The following SLC35F5 variants were observed in gnomAD, a reference collection of about 807,000 sequenced individuals.
SLC35F5 encodes HCV NS5A-transactivated protein 3.
In SLC35F5, 54 loss-of-function variants were observed where a neutral mutation model predicts 68.6. The observed-to-expected ratio is 0.79, with a 90% CI of 0.63 to 0.99. The LOEUF (loss-of-function observed/expected upper bound fraction) is 0.99, where lower values mean the gene tolerates loss of function less well. Ranked by LOEUF, SLC35F5 falls within the 50% of genes least tolerant of loss-of-function variation. SLC35F5 has a pLI of 0.00. For synonymous variants in SLC35F5, 211 were observed against 205.2 expected, an observed-to-expected ratio of 1.03 and a Z score of -0.24; for missense variants, 567 against 626.9, an observed-to-expected ratio of 0.90 and a Z score of 1.02.
intron 13 of SLC35F5, 33 bp downstream of exon 13, chr2:113,723,070 TA>T: frequency 1.4e-6 from 2 of 1,437,144 alleles, no homozygotes; most frequent in Non-Finnish European, 1.9e-6. Context: ...ATAACACACC[TA>T]AAATATCTAT....
chr2:113,746,356 A>G lies in SLC35F5; in HGVS notation c.418-17T>C, dbSNP rs751174853. 3 of 1,604,080 alleles carry G rather than the reference A, an allele frequency of 1.9e-6. No individual in the cohort carries two copies. On this transcript the variant is annotated splice_polypyrimidine_tract_variant and intron_variant, in intron 4 of 15. Transcript: ENST00000245680. ...ATCTGCAAACTAAATACAGATAACA[A>G]GATACAAAATTCAATGAAACTTACA...
rs550685493 is a variant in SLC35F5, at chr2:113,731,671, T to C, written c.921-23A>G. ...ATGCTATGAGAATAACAGTCATTAATGATGAGCTAAAGAATTCTGAAAAGC... is the reference window on the plus strand; with the variant it reads ...ATGCTATGAGAATAACAGTCATTAACGATGAGCTAAAGAATTCTGAAAAGC... On this transcript the variant is annotated intron_variant, in intron 9 of 15. Transcript: ENST00000245680. The C allele has an allele frequency of 2.3e-5, 36 of 1,585,380 alleles. No homozygotes were observed. The African/African-American group carries it at 4.6e-4, about 20-fold the overall frequency.
At position 113,746,328 on chromosome 2, in the gene SLC35F5, A is replaced by G; in HGVS notation, c.429T>C (p.Ala143=). Residue 143 remains alanine (A), a synonymous_variant, in exon 5 of 16, where the codon GCT becomes GCC. Coordinates refer to ENST00000245680, the MANE Select transcript of SLC35F5 (RefSeq NM_025181.5). ...RGKHAAFFAD[A]EGYFAACTTD... The stretch of plus-strand genomic sequence containing the variant: ...TTGTGCAAGCAGCAAAGTAACCTTC[A>G]GCATCTGCAAACTAAATACAGATAA... The G allele has an allele frequency of 1.2e-6, 2 of 1,612,570 alleles. No homozygotes were observed. Among genetic ancestry groups the G allele is most frequent in the South Asian group, 1.1e-5 (1 of 91,054 alleles).
At chr2:113,717,211 T>C (rs1158694398) in intron 15 of SLC35F5, among the ~76,000 whole-genome samples, 1 of 151,966 alleles carries the variant, frequency 6.6e-6, no homozygotes, top group Non-Finnish European at 1.5e-5. Flanking sequence ...ATGGAAAAAA[T>C]GGAAAAAAAT....
In SLC35F5 at chr2:113,711,277, T is replaced by C. The variant is rs1266984812; in HGVS notation, c.*3941A>G. ...TACTCATTACTTTTGGTTGGTAATT[T>C]TTCCTTAAATATATTTCAATGATTT... On this transcript the variant is annotated 3_prime_UTR_variant, in exon 16 of 16. Transcript: ENST00000245680. 6.6e-6 allele frequency among the ~76,000 whole-genome samples: 1 copy of C among 152,222 alleles called. No homozygotes were observed. Among genetic ancestry groups the C allele is most frequent in the Non-Finnish European group, 1.5e-5 (1 of 68,028 alleles).
chr2:113,745,822 C>T (rs1215348786), intron 5 of SLC35F5, among the ~76,000 whole-genome samples: 1 of 152,182 alleles, frequency 6.6e-6, no homozygotes, highest in Admixed American at 6.5e-5. Context: ...CCTGTCCCCT[C>T]GCAAATACGC....
chr2:113,740,348 G>T (rs1676209584), intron 7 of SLC35F5, among the ~76,000 whole-genome samples: 1 of 152,162 alleles, frequency 6.6e-6, no homozygotes, highest in Admixed American at 6.5e-5. Context: ...ACAGCTTATT[G>T]TCTGTTAAAA....
chr2:113,707,735 ATTT>A lies in SLC35F5; in HGVS notation c.*7480_*7482del, dbSNP rs979885291. ...CCACCATGCCTGGCTAATTTTTTGT[ATTT>A]TTAGTAGAGAAGGGGTTTCTCCATG... On this transcript the variant is annotated 3_prime_UTR_variant, in exon 16 of 16. Transcript: ENST00000245680. 1.1e-4 allele frequency among the ~76,000 whole-genome samples: 16 copies of A among 151,854 alleles called. No homozygotes were observed. The highest frequency in any genetic ancestry group is 3.9e-4 in the African/African-American group (16 of 41,316).
rs1239642191 is a variant in SLC35F5, at chr2:113,707,074, AATAG to A, written c.*8140_*8143del. ...TAGAATCTGAAAATATTAAATATTA[AATAG>A]ATGGAGGGATCAAATTATCAAGTTT... On this transcript the variant is annotated 3_prime_UTR_variant, in exon 16 of 16. Transcript: ENST00000245680. 6.6e-6 allele frequency among the ~76,000 whole-genome samples: 1 copy of A among 152,206 alleles called. No homozygotes were observed. The highest frequency in any genetic ancestry group is 1.5e-5 in the Non-Finnish European group (1 of 68,034).
At chr2:113,717,095 A>AC (rs1687211063) in intron 15 of SLC35F5, among the ~76,000 whole-genome samples, 2 of 152,212 alleles carry the variant, frequency 1.3e-5, no homozygotes, top group South Asian at 4.1e-4. Flanking sequence ...TCACTTTTGT[A>AC]CCTGCAAAAT....
chr2:113,748,838 A>T (rs1343887679), intron 4 of SLC35F5, among the ~76,000 whole-genome samples: 1 of 151,822 alleles, frequency 6.6e-6, no homozygotes, highest in Non-Finnish European at 1.5e-5. Context: ...ACGGAGTTTC[A>T]CTGTCACCAG....
intron 9 of SLC35F5, 54 bp downstream of exon 9, chr2:113,734,532 T>A: frequency 9.9e-7 from 1 of 1,014,132 alleles, no homozygotes; most frequent in Non-Finnish European, 1.5e-6. Flanking sequence ...CTATCAGAAA[T>A]TGTAATATTG....
At chr2:113,705,902 C>T (rs1295587699), downstream of SLC35F5, among the ~76,000 whole-genome samples, 1 of 152,032 alleles carries the variant, frequency 6.6e-6, no homozygotes, top group Non-Finnish European at 1.5e-5. Flanking sequence ...CCCTTTAGCT[C>T]AGCTTGGGAG....
At chr2:113,747,202 C>T (rs766374559) in intron 4 of SLC35F5, among the ~76,000 whole-genome samples, 1 of 151,308 alleles carries the variant, frequency 6.6e-6, no homozygotes, top group Admixed American at 6.6e-5. Context: ...GCAGGGGAAT[C>T]GCTTGAACCA....
rs551027081 is a variant in SLC35F5 at position 113,756,365 on chromosome 2, C to G, written c.40+5G>C. 3.5e-5 allele frequency: 55 copies of G among 1,571,780 alleles called. 1 individual carries two copies. The South Asian group carries it at 6.2e-4, about 18-fold the overall frequency. On this transcript the variant is annotated splice_donor_5th_base_variant and intron_variant, in intron 1 of 15. Transcript: ENST00000245680. The stretch of plus-strand genomic sequence containing the variant: ...TGATGTCGGGGCCCTTCCCTGCCTG[C>G]CTACCTGGCCTTCCTGCCCCGCGAT...
At chr2:113,715,298 C>T (rs537376269) in intron 15 of SLC35F5, 103 bp from the exon 16 acceptor site, 2 of 152,154 alleles carry the variant, frequency 1.3e-5, no homozygotes, top group South Asian at 2.1e-4. Flanking sequence ...ATTGAAATAC[C>T]TATTTTCACT....
chr2:113,756,194 G>A, intron 1 of SLC35F5, 176 bp downstream of exon 1: 4 of 1,477,056 alleles, frequency 2.7e-6, no homozygotes, highest in Non-Finnish European at 2.7e-6. Flanking sequence ...AATTGCCAGC[G>A]GTGGGCGCAG....
intron 10 of SLC35F5, among the ~76,000 whole-genome samples, chr2:113,731,050 A>G (rs1687863175): frequency 1.3e-5 from 2 of 152,222 alleles, no homozygotes; most frequent in Admixed American, 6.5e-5. Flanking sequence ...TCAGGAAACA[A>G]TATCACTTCC....
intron 14 of SLC35F5, among the ~76,000 whole-genome samples, 196 bp downstream of exon 14, chr2:113,718,955 GAAA>G (rs1687314837): frequency 7.0e-6 from 1 of 142,314 alleles, no homozygotes; most frequent in Non-Finnish European, 1.6e-5. Context: ...AAGGAAGGAA[GAAA>G]GAAAGAAAGA....
Sources: gnomAD v4.1 joint callset for allele counts (sites outside exome capture counted in the v4.1 genomes callset) on GRCh38, gnomAD v4.1.1 for gene constraint, MANE v1.5 for transcripts, NCBI Gene and HGNC (gene_info 2026-07-23, HGNC 2026-07-21) for gene names.